Variants in LRRC7 observed in about 807,000 individuals in gnomAD.
The protein encoded by LRRC7 is leucine-rich repeat-containing protein 7.
Under a neutral mutation model 175.7 loss-of-function variants are expected in LRRC7, and 23 were observed. That is an observed-to-expected ratio of 0.13 (90% CI 0.09 to 0.19). The LOEUF (loss-of-function observed/expected upper bound fraction) is 0.19, where lower values mean the gene tolerates loss of function less well. Among genes scored for constraint, LRRC7 ranks in the 10% least tolerant of loss-of-function variants. The pLI is 1.00. For missense variants in LRRC7, 1,354 were observed against 1,904.7 expected (o/e 0.71, Z 5.38); for synonymous variants, 685 against 680.9 (o/e 1.01, Z -0.09).
chr1:69,649,918 T>A (rs1253861835), intron 1 of LRRC7, among the ~76,000 whole-genome samples: 1 of 151,602 alleles, frequency 6.6e-6, no homozygotes, highest in African/African-American at 2.4e-5. Context: ...CGCATAAGGA[T>A]TAGGCTCACT....
intron 26 of LRRC7, among the ~76,000 whole-genome samples, chr1:70,116,277 G>T (rs771571155): frequency 1.3e-5 from 2 of 152,150 alleles, no homozygotes; most frequent in Non-Finnish European, 2.9e-5. Flanking sequence ...GCTGGGCGCG[G>T]TGGCTCACGC....
chr1:70,014,644 A>C (rs1333147901), intron 13 of LRRC7, among the ~76,000 whole-genome samples: 1 of 152,024 alleles, frequency 6.6e-6, no homozygotes, highest in East Asian at 1.9e-4. Context: ...CAGAGAAGGA[A>C]CTGTTTGGAG....
chr1:69,919,497 C>A, intron 7 of LRRC7: 1 of 890,296 alleles, frequency 1.1e-6, no homozygotes, highest in South Asian at 1.4e-5. Flanking sequence ...GCGGCAAAAT[C>A]TGGCAGGGGG....
At chr1:69,710,236 G>C (rs566053750) in intron 2 of LRRC7, among the ~76,000 whole-genome samples, 1 of 130,572 alleles carries the variant, frequency 7.7e-6, no homozygotes, top group Non-Finnish European at 1.5e-5. Context: ...CCAAGATCAC[G>C]CCACTGCTCC....
chr1:69,794,718 C>T (rs539843632), intron 4 of LRRC7, among the ~76,000 whole-genome samples: 6 of 151,980 alleles, frequency 3.9e-5, no homozygotes, highest in Non-Finnish European at 5.9e-5. Context: ...AATTTGTCAC[C>T]CAATATAAAC....
intron 2 of LRRC7, among the ~76,000 whole-genome samples, chr1:69,711,944 T>C (rs940343359): frequency 2.0e-5 from 3 of 152,134 alleles, no homozygotes; most frequent in African/African-American, 7.2e-5. Flanking sequence ...AGAATTAGCA[T>C]GTACCTAATA....
chr1:69,961,194 A>G (rs895051420), intron 8 of LRRC7, among the ~76,000 whole-genome samples: 5 of 152,206 alleles, frequency 3.3e-5, no homozygotes, highest in African/African-American at 1.2e-4. Context: ...AGCAATAGTC[A>G]AGCTGAGAGT....
chr1:70,064,864 A>AAC (rs1661854361), intron 23 of LRRC7, among the ~76,000 whole-genome samples: 1 of 152,004 alleles, frequency 6.6e-6, no homozygotes, highest in African/African-American at 2.4e-5. Context: ...TGAATCTCAG[A>AAC]ACAAAAAGAA....
At chr1:69,993,966 T>C (rs1468628867) in intron 10 of LRRC7, among the ~76,000 whole-genome samples, 1 of 152,168 alleles carries the variant, frequency 6.6e-6, no homozygotes, top group Non-Finnish European at 1.5e-5. Flanking sequence ...TAATGAAAGA[T>C]AAATAGTTGT....
intron 21 of LRRC7, among the ~76,000 whole-genome samples, chr1:70,043,286 A>G (rs188564828): frequency 6.6e-6 from 1 of 152,270 alleles, no homozygotes; most frequent in African/African-American, 2.4e-5. Flanking sequence ...AAATTTCTTT[A>G]GTTTAAAATA....
chr1:69,767,954 C>T (rs1671801129), intron 3 of LRRC7, among the ~76,000 whole-genome samples: 1 of 151,986 alleles, frequency 6.6e-6, no homozygotes. Context: ...AAAAAACAGA[C>T]ATTAAGAAGC....
intron 1 of LRRC7, among the ~76,000 whole-genome samples, chr1:69,632,029 T>C (rs1033210269): frequency 2.0e-5 from 3 of 152,182 alleles, no homozygotes; most frequent in Non-Finnish European, 2.9e-5. Context: ...ACAGCCTCTT[T>C]TTAAATTTTT....
intron 3 of LRRC7, among the ~76,000 whole-genome samples, chr1:69,767,090 C>T (rs1029113209): frequency 4.6e-5 from 7 of 152,092 alleles, no homozygotes; most frequent in Non-Finnish European, 8.8e-5. Flanking sequence ...ATCAATTTGC[C>T]GATTTCAGAA....
chr1:69,786,340 CTTT>C (rs1674413856), intron 3 of LRRC7, among the ~76,000 whole-genome samples: 1 of 151,968 alleles, frequency 6.6e-6, no homozygotes, highest in African/African-American at 2.4e-5. Context: ...CTCTCTCTGT[CTTT>C]TTATTATTTT....
intron 8 of LRRC7, among the ~76,000 whole-genome samples, chr1:69,949,167 C>G (rs1255317016): frequency 6.6e-6 from 1 of 152,030 alleles, no homozygotes; most frequent in Non-Finnish European, 1.5e-5. Flanking sequence ...AGAATGTTCC[C>G]CTCACCAATC....
rs184626639 is a variant in LRRC7 at position 69,652,128 on chromosome 1, T to C, written c.3-26253T>C. On this transcript the variant is annotated intron_variant, in intron 1 of 26. Coordinates refer to ENST00000651989, the MANE Select transcript of LRRC7 (RefSeq NM_001370785.2). ...ATACTTTGGATTTGGAGTTCAACTC[T>C]CCTTACATCTCAAGGAACTGTTCAG... 1.5e-3 allele frequency among the ~76,000 whole-genome samples: 229 copies of C among 152,236 alleles called. 1 individual carries two copies. The highest frequency in any genetic ancestry group is 1.5e-3 in the Non-Finnish European group (101 of 68,010).
chr1:69,753,435 G>A (rs72675044), intron 2 of LRRC7, among the ~76,000 whole-genome samples: 14,201 of 151,806 alleles, frequency 0.094, 727 homozygotes, highest in Middle Eastern at 0.2. Flanking sequence ...TGGCTTTAGG[G>A]CACAGATAAT....
intron 1 of LRRC7, among the ~76,000 whole-genome samples, chr1:69,604,852 T>G (rs1356196349): frequency 6.6e-6 from 1 of 152,170 alleles, no homozygotes; most frequent in African/African-American, 2.4e-5. Flanking sequence ...AGTTAAGCTA[T>G]TTACTACTAA....
At chr1:70,045,610 A>G (rs1660263622) in intron 22 of LRRC7, among the ~76,000 whole-genome samples, 1 of 152,158 alleles carries the variant, frequency 6.6e-6, no homozygotes, top group Admixed American at 6.6e-5. Context: ...TTAAATAGGC[A>G]CCTTTCTTAT....
Sources: allele counts gnomAD v4.1 joint callset (sites outside exome capture counted in the v4.1 genomes callset), GRCh38; gene constraint gnomAD v4.1.1; transcripts MANE v1.5; gene names NCBI Gene and HGNC (gene_info 2026-07-23, HGNC 2026-07-21).